TMPRSS15: variants seen among roughly 807,000 people sequenced by gnomAD.
TMPRSS15 encodes enteropeptidase.
TMPRSS15 carries 128 observed loss-of-function variants against 125.3 expected under a neutral mutation model. The ratio of observed to expected loss-of-function variants is 1.02; its 90% CI spans 0.89 to 1.18. The LOEUF is 1.18. TMPRSS15 is among the 50% of genes most tolerant of loss of function. TMPRSS15 has a pLI of 0.00. For missense variants in TMPRSS15, 1,283 were observed against 1,212.7 expected, an observed-to-expected ratio of 1.06 and a Z score of -0.86; for synonymous variants, 446 against 423.2, an observed-to-expected ratio of 1.05 and a Z score of -0.66.
At chr21:18,404,166 C>G (rs1240461309), upstream of TMPRSS15, among the ~76,000 whole-genome samples, 1 of 152,204 alleles carries the variant, frequency 6.6e-6, no homozygotes, top group Non-Finnish European at 1.5e-5. Flanking sequence ...TATATACTCT[C>G]TCTGTGTACA....
At chr21:18,278,011 C>A (rs2074642306) in intron 23 of TMPRSS15, among the ~76,000 whole-genome samples, 2 of 152,262 alleles carry the variant, frequency 1.3e-5, no homozygotes, top group African/African-American at 4.8e-5. Flanking sequence ...GGAAAACATG[C>A]AGTTGATGCT....
chr21:18,383,020 A>T (rs1040963580), intron 4 of TMPRSS15, among the ~76,000 whole-genome samples: 1 of 152,104 alleles, frequency 6.6e-6, no homozygotes, highest in Non-Finnish European at 1.5e-5. Context: ...AAACTCATTG[A>T]CTCTACTTTT....
At chr21:18,431,038 C>T (rs1337027092) in intron 1 of TMPRSS15, among the ~76,000 whole-genome samples, 1 of 152,150 alleles carries the variant, frequency 6.6e-6, no homozygotes, top group Non-Finnish European at 1.5e-5. Context: ...TAGGAAGGAA[C>T]TCTCCAGCTA....
intron 1 of TMPRSS15, 57 bp downstream of exon 1, chr21:18,403,421 C>T: frequency 1.2e-6 from 2 of 1,611,460 alleles, no homozygotes; most frequent in Non-Finnish European, 1.7e-6. Flanking sequence ...ATAACTGACA[C>T]TAAAGTGTGT....
chr21:18,340,017 A>T (rs937968656), intron 13 of TMPRSS15, among the ~76,000 whole-genome samples: 2 of 152,226 alleles, frequency 1.3e-5, no homozygotes, highest in African/African-American at 4.8e-5. Flanking sequence ...CCATGAAAGA[A>T]ACATATGCCA....
chr21:18,331,996 A>G (rs1185819038), intron 14 of TMPRSS15, 88 bp downstream of exon 14: 22 of 1,213,486 alleles, frequency 1.8e-5, no homozygotes, highest in Non-Finnish European at 3.7e-6. Flanking sequence ...ATGTTTGACA[A>G]ATTTATAATC....
intron 1 of TMPRSS15, among the ~76,000 whole-genome samples, chr21:18,436,121 C>T (rs1372136841): frequency 2.0e-5 from 3 of 151,412 alleles, no homozygotes; most frequent in Non-Finnish European, 4.4e-5. Context: ...TTTTTTGTGT[C>T]TCTATTTCCT....
At position 18,343,868 on chromosome 21, in the gene TMPRSS15, T is replaced by C. The variant is rs995457041; in HGVS notation, c.1277+87A>G. 1.8e-5 allele frequency: 24 copies of C among 1,339,242 alleles called. No homozygotes were observed. The African/African-American group carries it at 3.0e-4, about 17-fold the overall frequency. 83.0% of individuals were successfully genotyped at this position (1,339,242 alleles called of 1,614,324 possible). ...ATATGCATTAAAACTTTAGCCAACA[T>C]CTTAGTGAAATATGAGCCTGGTGGC... is the stretch of plus-strand genomic sequence containing the variant. On this transcript the variant is annotated intron_variant, in intron 11 of 24. Coordinates refer to ENST00000284885, the MANE Select transcript of TMPRSS15 (RefSeq NM_002772.3).
At chr21:18,353,612 T>A in intron 9 of TMPRSS15, 111 bp downstream of exon 9, 3 of 907,066 alleles carry the variant, frequency 3.3e-6, no homozygotes, top group Non-Finnish European at 5.2e-6. Flanking sequence ...ACATACAAGA[T>A]ACTCATTATA....
chr21:18,369,795 A>C (rs947076991), intron 6 of TMPRSS15, among the ~76,000 whole-genome samples: 1 of 152,094 alleles, frequency 6.6e-6, no homozygotes, highest in South Asian at 2.1e-4. Flanking sequence ...CTGGTGCTGA[A>C]AGTCATTAGG....
chr21:18,340,124 T>C (rs13050848), intron 13 of TMPRSS15, among the ~76,000 whole-genome samples: 31,116 of 152,106 alleles, frequency 0.2, 3,542 homozygotes, highest in Non-Finnish European at 0.25. Context: ...TATGAGGGTG[T>C]TGCCAAAGAA....
In TMPRSS15 at chr21:18,328,452, A is replaced by G. The variant is rs116064097; in HGVS notation, c.1780+717T>C. Among the ~76,000 whole-genome samples the G allele has an allele frequency of 4.7e-3, 720 of 152,330 alleles. 4 individuals are homozygous for G. The highest frequency in any genetic ancestry group is 0.017 in the African/African-American group (699 of 41,574). On this transcript the variant is annotated intron_variant, in intron 15 of 24. Transcript: ENST00000284885. ...TTTAAGAGCTATCTTTGGACATCCGATGTACACATAAAGAGAACTACATAA... is the reference window on the plus strand; with the variant it reads ...TTTAAGAGCTATCTTTGGACATCCGGTGTACACATAAAGAGAACTACATAA...
intron 21 of TMPRSS15, 133 bp from the exon 22 acceptor site, chr21:18,281,354 T>A (rs2074696471): frequency 1.2e-6 from 1 of 806,786 alleles, no homozygotes; most frequent in African/African-American, 1.7e-5. Flanking sequence ...GAATCATCCT[T>A]TAAAAATATT....
chr21:18,418,913 T>A (rs2076185993), intron 1 of TMPRSS15, among the ~76,000 whole-genome samples: 1 of 152,152 alleles, frequency 6.6e-6, no homozygotes, highest in Non-Finnish European at 1.5e-5. Context: ...CATTAAAAAA[T>A]GCTATCATAC....
chr21:18,370,288 T>C (rs2075779552), intron 6 of TMPRSS15, among the ~76,000 whole-genome samples: 1 of 152,146 alleles, frequency 6.6e-6, no homozygotes, highest in Non-Finnish European at 1.5e-5. Context: ...CTGATATTAG[T>C]TCATCATGAA....
At chr21:18,344,668 C>A (rs1283789957) in intron 10 of TMPRSS15, among the ~76,000 whole-genome samples, 1 of 152,178 alleles carries the variant, frequency 6.6e-6, no homozygotes, top group Non-Finnish European at 1.5e-5. Flanking sequence ...CAAGCCACTG[C>A]ATAAAGTGCT....
intron 15 of TMPRSS15, among the ~76,000 whole-genome samples, chr21:18,328,903 C>G (rs960750556): frequency 6.6e-6 from 1 of 152,080 alleles, no homozygotes; most frequent in Admixed American, 6.6e-5. Flanking sequence ...CACACACCTA[C>G]TATGTACCCA....
intron 18 of TMPRSS15, among the ~76,000 whole-genome samples, chr21:18,310,467 A>G (rs949067089): frequency 6.1e-5 from 9 of 146,898 alleles, no homozygotes; most frequent in Non-Finnish European, 1.3e-4. Flanking sequence ...AACAATCACA[A>G]AAAAAAACAA....
intron 1 of TMPRSS15, among the ~76,000 whole-genome samples, chr21:18,467,336 C>T (rs1166194622): frequency 6.6e-5 from 10 of 151,874 alleles, no homozygotes; most frequent in African/African-American, 2.4e-4. Flanking sequence ...AGCAAACCAC[C>T]ATGGCATGTG....
Sources: allele counts gnomAD v4.1 joint callset (sites outside exome capture counted in the v4.1 genomes callset), GRCh38; gene constraint gnomAD v4.1.1; transcripts MANE v1.5; gene names NCBI Gene and HGNC (gene_info 2026-07-23, HGNC 2026-07-21).